Variants in AKR1B1 observed in about 807,000 individuals in gnomAD.
The protein encoded by AKR1B1 is aldo-keto reductase family 1 member B1.
Under a neutral mutation model 40.4 loss-of-function variants are expected in AKR1B1, and 22 were observed. The ratio of observed to expected loss-of-function variants is 0.54; its 90% CI spans 0.39 to 0.78. AKR1B1 has a LOEUF of 0.78. Ranked by LOEUF, AKR1B1 falls within the 30% of genes least tolerant of loss-of-function variation. The probability of loss-of-function intolerance (pLI) is 0.00; values close to 1 mark genes in which losing one functional copy is unlikely to be tolerated. For missense variants in AKR1B1, 357 were observed against 396.7 expected (o/e 0.90, Z 0.85); for synonymous variants, 157 against 149.9 (o/e 1.05, Z -0.35).
intron 8 of AKR1B1, among the ~76,000 whole-genome samples, 164 bp downstream of exon 8, chr7:134,447,134 T>C (rs1343137840): frequency 6.6e-6 from 1 of 152,190 alleles, no homozygotes; most frequent in Non-Finnish European, 1.5e-5. Context: ...ACGGCTCCAC[T>C]GGTGAGGTGT....
At chr7:134,447,215 T>C (rs914551369) in intron 8 of AKR1B1, 83 bp downstream of exon 8, 16 of 1,249,540 alleles carry the variant, frequency 1.3e-5, no homozygotes, top group Non-Finnish European at 1.9e-5. Flanking sequence ...ATCCCACAGA[T>C]GACACTCCAG....
At position 134,448,377 on chromosome 7, in the gene AKR1B1, G is replaced by C. The variant is rs1157246710; in HGVS notation, c.659+10C>G. On this transcript the variant is annotated intron_variant, in intron 6 of 9. Transcript: ENST00000285930. ...AGTGACACAGGAGCATGAGCCTGTG[G>C]GAAGCTCACCAGGGCCTGTCAGGAG... 2 of 1,603,762 alleles carry C rather than the reference G, an allele frequency of 1.2e-6. No individual in the cohort carries two copies. Among genetic ancestry groups the C allele is most frequent in the Non-Finnish European group, 1.7e-6 (2 of 1,171,036 alleles).
rs1806228325 is a variant in AKR1B1 at position 134,449,712 on chromosome 7, T to C, written c.429+8A>G. On this transcript the variant is annotated splice_region_variant and intron_variant, in intron 4 of 9. Coordinates refer to ENST00000285930, the MANE Select transcript of AKR1B1 (RefSeq NM_001628.4). Reference sequence around the variant, plus strand: ...ACGAAAACAAGGTCCAACCAGGGGCTGTCTTACCGCCCACGTGTCCAGAAT... The same window carrying C: ...ACGAAAACAAGGTCCAACCAGGGGCCGTCTTACCGCCCACGTGTCCAGAAT... 2 of 1,611,296 alleles carry C rather than the reference T, an allele frequency of 1.2e-6. No homozygotes were observed. Among genetic ancestry groups the C allele is most frequent in the Non-Finnish European group, 1.7e-6 (2 of 1,177,400 alleles).
chr7:134,457,351 G>A (rs561588376), intron 1 of AKR1B1, among the ~76,000 whole-genome samples: 1 of 152,288 alleles, frequency 6.6e-6, no homozygotes, highest in African/African-American at 2.4e-5. Context: ...TGCTTAGAAA[G>A]TATTTGCTAT....
chr7:134,454,768 A>G lies in AKR1B1; in HGVS notation c.67-3015T>C, dbSNP rs903482232. On this transcript the variant is annotated intron_variant, in intron 1 of 9. Transcript: ENST00000285930. ...GAAACGGTCCTGAGTAGGAAGCATG[A>G]GAATGCTGTGCTGATAATCCTGGAG... Among the ~76,000 whole-genome samples, 4 of 152,340 alleles carry G rather than the reference A, an allele frequency of 2.6e-5. No homozygotes were observed. In the Middle Eastern group the frequency reaches 0.01, roughly 389 times the overall value.
At chr7:134,458,924 G>T in intron 1 of AKR1B1, 73 bp downstream of exon 1, 2 of 1,505,982 alleles carry the variant, frequency 1.3e-6, no homozygotes, top group East Asian at 2.4e-5. Context: ...GGGTCACTCG[G>T]GGTCCCTCGC....
intron 1 of AKR1B1, chr7:134,451,954 T>C: frequency 1.6e-6 from 1 of 641,810 alleles, no homozygotes; most frequent in Non-Finnish European, 2.8e-6. Context: ...AGCATTGCCC[T>C]GTAGGAGAAT....
chr7:134,447,898 A>G, intron 7 of AKR1B1, 82 bp downstream of exon 7: 1 of 1,212,444 alleles, frequency 8.2e-7, no homozygotes, highest in South Asian at 1.3e-5. Flanking sequence ...TAACAGGCTC[A>G]GTCACTTCCT....
chr7:134,456,283 T>A (rs1313387666), intron 1 of AKR1B1, among the ~76,000 whole-genome samples: 3 of 152,052 alleles, frequency 2.0e-5, no homozygotes, highest in Non-Finnish European at 4.4e-5. Flanking sequence ...CACTGCAACC[T>A]CCACATCTGG....
intron 1 of AKR1B1, among the ~76,000 whole-genome samples, chr7:134,455,162 T>G (rs1207623847): frequency 1.3e-5 from 2 of 152,216 alleles, no homozygotes; most frequent in Non-Finnish European, 2.9e-5. Context: ...TCATGCATTC[T>G]TAAAGTGGGT....
intron 8 of AKR1B1, among the ~76,000 whole-genome samples, chr7:134,446,530 C>G (rs550601341): frequency 1.3e-5 from 2 of 152,258 alleles, no homozygotes; most frequent in African/African-American, 4.8e-5. Context: ...TCAGTGAGAA[C>G]AGAGGCTCTT....
chr7:134,449,430 C>T (rs1806214889), intron 4 of AKR1B1: 2 of 558,528 alleles, frequency 3.6e-6, no homozygotes, highest in Admixed American at 3.1e-5. Flanking sequence ...ACTAAAAATA[C>T]AAAAAAATTA....
intron 1 of AKR1B1, among the ~76,000 whole-genome samples, chr7:134,455,486 A>C (rs1806441254): frequency 1.3e-5 from 2 of 152,242 alleles, no homozygotes; most frequent in African/African-American, 2.4e-5. Context: ...CAACTAGATT[A>C]AAAACACTAT....
chr7:134,459,032 C>T lies in AKR1B1; in HGVS notation c.31G>A (p.Ala11Thr), dbSNP rs1806586428. 3 of 1,608,430 alleles carry T rather than the reference C, an allele frequency of 1.9e-6. No individual in the cohort carries two copies. Among genetic ancestry groups the T allele is most frequent in the East Asian group, 4.5e-5 (2 of 44,578 alleles). The change falls in exon 1 of 10, where the codon GCC (alanine) becomes ACC (threonine). Residue 11 changes from alanine (A) to threonine (T), a missense_variant. Ala to Thr is a moderately conservative substitution (Grantham distance 58). Coordinates refer to ENST00000285930, the MANE Select transcript of AKR1B1 (RefSeq NM_001628.4). MASRLLLNNGAKMPILGLGTW... is the reference protein window; with the variant it reads MASRLLLNNGTKMPILGLGTW... ...CCCAACCCCAGGATGGGCATCTTGGCGCCGTTGTTGAGCAGGAGACGGCTT... is the reference window on the plus strand; with the variant it reads ...CCCAACCCCAGGATGGGCATCTTGGTGCCGTTGTTGAGCAGGAGACGGCTT...
At chr7:134,448,261 C>G in intron 6 of AKR1B1, 126 bp downstream of exon 6, 1 of 980,448 alleles carries the variant, frequency 1.0e-6, no homozygotes, top group Non-Finnish European at 1.6e-6. Context: ...GGAAAACCAG[C>G]AAGAGGCTCA....
At chr7:134,447,188 A>G in intron 8 of AKR1B1, 110 bp downstream of exon 8, 1 of 1,010,548 alleles carries the variant, frequency 9.9e-7, no homozygotes, top group Non-Finnish European at 1.5e-6. Context: ...CTGGCCTCAG[A>G]AGAGAGGATG....
At chr7:134,447,803 C>G in intron 7 of AKR1B1, 177 bp downstream of exon 7, 1 of 707,804 alleles carries the variant, frequency 1.4e-6, no homozygotes, top group Non-Finnish European at 2.6e-6. Flanking sequence ...AATCTAAGAG[C>G]CCATGCCAGA....
At chr7:134,454,050 C>A (rs543452255) in intron 1 of AKR1B1, among the ~76,000 whole-genome samples, 58 of 152,274 alleles carry the variant, frequency 3.8e-4, no homozygotes, top group African/African-American at 1.3e-3. Context: ...TGAAAACATG[C>A]TGGGTGGCAT....
chr7:134,454,378 T>C (rs780505501), intron 1 of AKR1B1, among the ~76,000 whole-genome samples: 38 of 152,210 alleles, frequency 2.5e-4, no homozygotes, highest in Non-Finnish European at 4.7e-4. Flanking sequence ...GGCTGGCTAA[T>C]ACCAACTCTG....
Sources: allele counts gnomAD v4.1 joint callset (sites outside exome capture counted in the v4.1 genomes callset), GRCh38; gene constraint gnomAD v4.1.1; transcripts MANE v1.5; gene names NCBI Gene and HGNC (gene_info 2026-07-23, HGNC 2026-07-21).